TUBA1B: variants seen among roughly 807,000 people sequenced by gnomAD.
TUBA1B encodes tubulin alpha-1B chain.
In TUBA1B, 1 loss-of-function variant was observed where a neutral mutation model predicts 34.4. That is an observed-to-expected ratio of 0.03 (90% CI 0.01 to 0.14). TUBA1B has a LOEUF of 0.14. TUBA1B is among the 10% of genes least tolerant of loss of function. TUBA1B has a pLI of 1.00. For synonymous variants in TUBA1B, 197 were observed against 212.5 expected (o/e 0.93, Z 0.64); for missense variants, 54 against 583.6 (o/e 0.09, Z 9.35).
chr12:49,129,775 C>T, intron 1 of TUBA1B, 53 bp from the exon 2 acceptor site: 2 of 1,611,492 alleles, frequency 1.2e-6, no homozygotes, highest in Non-Finnish European at 1.7e-6. Context: ...TGATGACTGT[C>T]AAGTGGAACA....
chr12:49,130,403 C>T, intron 1 of TUBA1B: 1 of 1,274,000 alleles, frequency 7.8e-7, no homozygotes, highest in Non-Finnish European at 1.0e-6. Context: ...CCCGGCGGTG[C>T]TGCAGAGGCA....
chr12:49,131,058 C>T (rs1592246957), intron 1 of TUBA1B: 2 of 505,182 alleles, frequency 4.0e-6, no homozygotes, highest in Non-Finnish European at 7.3e-6. Context: ...CAGCCCGAGC[C>T]CCCCATCCCT....
intron 1 of TUBA1B, chr12:49,130,285 A>G (rs1488796130): frequency 7.8e-7 from 1 of 1,289,104 alleles, no homozygotes; most frequent in Non-Finnish European, 1.0e-6. Context: ...CTAGCACAGG[A>G]AGCACGTGGC....
Position 49,128,159 on chromosome 12 carries a change from A to G in TUBA1B, c.1155T>C (p.Ala385=). 1.9e-6 allele frequency: 3 copies of G among 1,614,208 alleles called. No individual in the cohort carries two copies. The highest frequency in any genetic ancestry group is 2.2e-5 in the East Asian group (1 of 44,888). The part of the protein sequence containing the change: ...VCMLSNTTAI[A]EAWARLDHKF... The stretch of plus-strand genomic sequence containing the variant: ...TGTGGTCCAGGCGAGCCCAGGCCTC[A>G]GCAATGGCTGTGGTGTTGCTCAGCA... The change falls in exon 4 of 4, where the codon GCT becomes GCC. Residue 385 remains alanine, a synonymous_variant. Transcript: ENST00000336023. This position sits in a 1 kb window ranked among gnomAD's most constrained non-coding sequence, Gnocchi z 8.1.
Position 49,128,885 on chromosome 12 carries a change from C to G in TUBA1B, c.429G>C (p.Gly143=), listed in dbSNP as rs532411919. Residue 143 remains glycine, a synonymous_variant, in exon 4 of 4, where the codon GGG becomes GGC. Transcript: ENST00000336023. The surrounding 1 kb of genome is among the most constrained non-coding windows in gnomAD (Gnocchi z 8.1). ...QGFLVFHSFG[G]GTGSGFTSLL... The stretch of plus-strand genomic sequence containing the variant: ...GGGAGGTGAACCCAGAACCAGTTCC[C>G]CCACCAAAGCTGTGGAAAACCAAGA... 6.2e-7 allele frequency: 1 copy of G among 1,614,012 alleles called. No homozygotes were observed. The highest frequency in any genetic ancestry group is 1.1e-5 in the South Asian group (1 of 91,072).
At chr12:49,130,349 G>A (rs1941788455) in intron 1 of TUBA1B, 1 of 1,289,100 alleles carries the variant, frequency 7.8e-7, no homozygotes, top group African/African-American at 1.5e-5. Context: ...GGGGCTCTGC[G>A]GCACAGGATG....
chr12:49,130,178 C>T (rs1941785474), intron 1 of TUBA1B: 1 of 1,242,794 alleles, frequency 8.0e-7, no homozygotes, highest in East Asian at 5.7e-5. Context: ...TCACAGCTTC[C>T]TCCTTTGGAG....
intron 3 of TUBA1B, 81 bp downstream of exon 3, chr12:49,129,161 A>G: frequency 6.2e-7 from 1 of 1,609,576 alleles, no homozygotes; most frequent in Non-Finnish European, 8.5e-7. Context: ...GTGCCAAAGA[A>G]TGAATGATGT....
chr12:49,130,146 C>T, intron 1 of TUBA1B: 1 of 1,204,378 alleles, frequency 8.3e-7, no homozygotes, highest in Non-Finnish European at 1.1e-6. Context: ...GGAAGGCCTC[C>T]TTCCAGACCA....
intron 1 of TUBA1B, 46 bp from the exon 2 acceptor site, chr12:49,129,768 T>A (rs1286496706): frequency 1.2e-6 from 2 of 1,612,866 alleles, no homozygotes; most frequent in East Asian, 2.2e-5. Context: ...AATCTATTGA[T>A]GACTGTCAAG....
At chr12:49,130,206 G>T in intron 1 of TUBA1B, 1 of 1,272,328 alleles carries the variant, frequency 7.9e-7, no homozygotes, top group Non-Finnish European at 1.0e-6. Context: ...ACAGGAAGGT[G>T]GGCATCCATC....
At chr12:49,130,690 C>G (rs543424828) in intron 1 of TUBA1B, 1 of 224,586 alleles carries the variant, frequency 4.5e-6, no homozygotes, top group Non-Finnish European at 9.4e-6. Flanking sequence ...GGTACATTGA[C>G]AGGGAGCTCT....
Position 49,127,805 on chromosome 12 carries a change from T to G in TUBA1B, c.*153A>C. The G allele has an allele frequency of 1.6e-6, 2 of 1,248,680 alleles. No homozygotes were observed. Among genetic ancestry groups the G allele is most frequent in the Non-Finnish European group, 2.2e-6 (2 of 899,730 alleles). 77.4% of individuals were successfully genotyped at this position (1,248,680 alleles called of 1,614,324 possible). ...GCTTTTGATGTTAATGACTTTACTT[T>G]GAGATATGATGGAAAAATATTACAG... is the stretch of plus-strand genomic sequence containing the variant. On this transcript the variant is annotated 3_prime_UTR_variant, in exon 4 of 4. Transcript: ENST00000336023.
At chr12:49,129,090 G>GGTTAT in intron 3 of TUBA1B, 152 bp from the exon 4 acceptor site, 1 of 1,539,528 alleles carries the variant, frequency 6.5e-7, no homozygotes, top group Non-Finnish European at 8.8e-7. Context: ...CCATAACCTA[G>GGTTAT]GGACTATCTG....
rs763668287 is a variant in TUBA1B, at chr12:49,128,105, G to C, written c.1209C>G (p.Ala403=). 12 of 1,614,074 alleles carry C rather than the reference G, an allele frequency of 7.4e-6. No individual in the cohort carries two copies. Among genetic ancestry groups the C allele is most frequent in the Non-Finnish European group, 9.3e-6 (11 of 1,180,052 alleles). The part of the protein sequence containing the change: ...HKFDLMYAKR[A]FVHWYVGEGM... ...CCTCACCCACGTACCAGTGAACAAA[G>C]GCACGCTTGGCATACATCAGGTCAA... Residue 403 remains alanine (A), a synonymous_variant, in exon 4 of 4, where the codon GCC becomes GCG. Coordinates refer to ENST00000336023, the MANE Select transcript of TUBA1B (RefSeq NM_006082.3). This position sits in a 1 kb window ranked among gnomAD's most constrained non-coding sequence, Gnocchi z 8.1.
chr12:49,130,226 GGCCCCAGAA>G (rs1565615501), intron 1 of TUBA1B: 1 of 1,284,724 alleles, frequency 7.8e-7, no homozygotes, highest in Non-Finnish European at 1.0e-6. Flanking sequence ...CCAGCGCTCA[GGCCCCAGAA>G]GCCCACTTTA....
At position 49,127,845 on chromosome 12, in the gene TUBA1B, G is replaced by A. The variant is rs1196307330; in HGVS notation, c.*113C>T. The A allele has an allele frequency of 1.3e-6, 2 of 1,495,754 alleles. No homozygotes were observed. The highest frequency in any genetic ancestry group is 3.7e-5 in the Admixed American group (2 of 54,082). 92.7% of individuals were successfully genotyped at this position (1,495,754 alleles called of 1,614,324 possible). A position where few individuals can be genotyped will look rare whatever the true frequency, so the allele number is the denominator to read the frequency against. ...AAATATTACAGGTACACATGGAAAA[G>A]ACATGATCACCAAGTGAAAACAATC... On this transcript the variant is annotated 3_prime_UTR_variant, in exon 4 of 4. Transcript: ENST00000336023.
chr12:49,129,916 G>T, intron 1 of TUBA1B, 194 bp from the exon 2 acceptor site: 1 of 1,129,286 alleles, frequency 8.9e-7, no homozygotes, highest in South Asian at 1.6e-5. Flanking sequence ...GAGCAGCTGG[G>T]ACCACAGGCA....
At chr12:49,130,309 A>T in intron 1 of TUBA1B, 1 of 1,289,202 alleles carries the variant, frequency 7.8e-7, no homozygotes, top group Non-Finnish European at 1.0e-6. Flanking sequence ...ACCAGCGCAG[A>T]AGAAATGTCT....
Sources: gnomAD v4.1 joint callset for allele counts on GRCh38, gnomAD v4.1.1 for gene constraint, Gnocchi (gnomAD v3.1) non-coding constraint, MANE v1.5 for transcripts, NCBI Gene and HGNC (gene_info 2026-07-23, HGNC 2026-07-21) for gene names.